PCDH15: variants seen among roughly 807,000 people sequenced by gnomAD.
PCDH15 encodes protocadherin-15.
A neutral mutation model predicts 178.5 loss-of-function variants in PCDH15; 129 were observed. The observed-to-expected ratio is 0.72, with a 90% CI of 0.63 to 0.84. The LOEUF (loss-of-function observed/expected upper bound fraction) is 0.84. PCDH15 is among the 40% of genes least tolerant of loss of function. The probability of loss-of-function intolerance (pLI) is 0.00; values close to 1 mark genes in which losing one functional copy is unlikely to be tolerated. For missense variants in PCDH15, 2,230 were observed against 2,099.9 expected (o/e 1.06, Z -1.21); for synonymous variants, 800 against 732.0 (o/e 1.09, Z -1.50).
At chr10:55,409,595 C>T (rs1336075756) in intron 2 of PCDH15, among the ~76,000 whole-genome samples, 1 of 151,756 alleles carries the variant, frequency 6.6e-6, no homozygotes, top group African/African-American at 2.4e-5. Context: ...ATCACCATAC[C>T]GTTCAGTGGT....
At chr10:54,098,809 C>A (rs2094750501) in intron 15 of PCDH15, among the ~76,000 whole-genome samples, 1 of 152,038 alleles carries the variant, frequency 6.6e-6, no homozygotes, top group African/African-American at 2.4e-5. Context: ...AGACAATTGG[C>A]TTTGGTCAGT....
intron 2 of PCDH15, among the ~76,000 whole-genome samples, chr10:55,103,356 T>A (rs1453302286): frequency 6.6e-6 from 1 of 152,198 alleles, no homozygotes; most frequent in African/African-American, 2.4e-5. Context: ...CTCATCTGCA[T>A]CAAGTGGTCT....
intron 15 of PCDH15, among the ~76,000 whole-genome samples, chr10:54,110,182 G>T (rs1343524570): frequency 6.6e-6 from 1 of 151,976 alleles, no homozygotes; most frequent in East Asian, 1.9e-4. Flanking sequence ...AAGCATGAGT[G>T]GAGTGAGGAG....
intron 2 of PCDH15, among the ~76,000 whole-genome samples, chr10:54,941,731 G>C (rs1436062238): frequency 6.6e-6 from 1 of 151,966 alleles, no homozygotes; most frequent in African/African-American, 2.4e-5. Context: ...CTGATTCCCT[G>C]CTCTATACTG....
At chr10:54,867,703 T>G (rs558428197) in intron 3 of PCDH15, among the ~76,000 whole-genome samples, 1 of 152,260 alleles carries the variant, frequency 6.6e-6, no homozygotes, top group Non-Finnish European at 1.5e-5. Flanking sequence ...ATTAATTCAC[T>G]CTTTCTACTC....
chr10:54,308,305 T>G (rs2133430013), intron 8 of PCDH15, among the ~76,000 whole-genome samples: 1 of 152,202 alleles, frequency 6.6e-6, no homozygotes, highest in African/African-American at 2.4e-5. Flanking sequence ...GCTCAAAGGT[T>G]AATTTAAAGT....
intron 26 of PCDH15, among the ~76,000 whole-genome samples, chr10:53,890,239 A>C (rs1012916408): frequency 3.3e-5 from 5 of 152,174 alleles, no homozygotes; most frequent in African/African-American, 1.2e-4. Flanking sequence ...CATCCTGGCT[A>C]ATACGGTGAA....
At chr10:55,075,339 C>G (rs1841858738) in intron 2 of PCDH15, among the ~76,000 whole-genome samples, 1 of 148,586 alleles carries the variant, frequency 6.7e-6, no homozygotes, top group Non-Finnish European at 1.5e-5. Flanking sequence ...TTTGTTAGCT[C>G]TATAACAGAT....
chr10:54,108,199 G>A (rs973179790), intron 15 of PCDH15, among the ~76,000 whole-genome samples: 1 of 152,122 alleles, frequency 6.6e-6, no homozygotes, highest in East Asian at 1.9e-4. Flanking sequence ...GTACCTGGCT[G>A]TAAATACATA....
chr10:54,222,692 A>G (rs903897800), intron 9 of PCDH15, among the ~76,000 whole-genome samples: 3 of 152,202 alleles, frequency 2.0e-5, no homozygotes, highest in African/African-American at 7.2e-5. Flanking sequence ...GTGTGTATGT[A>G]GTGATATTCA....
At chr10:55,617,725 T>G (rs1267248191) in intron 2 of PCDH15, among the ~76,000 whole-genome samples, 1 of 152,030 alleles carries the variant, frequency 6.6e-6, no homozygotes, top group Non-Finnish European at 1.5e-5. Flanking sequence ...TGTCTGAAAA[T>G]GATCTTTTAA....
intron 16 of PCDH15, among the ~76,000 whole-genome samples, chr10:54,086,467 C>G (rs2094518637): frequency 6.6e-6 from 1 of 152,096 alleles, no homozygotes; most frequent in Non-Finnish European, 1.5e-5. Flanking sequence ...ATAGCAGTAC[C>G]TGGATTGTTC....
chr10:54,720,723 A>T (rs373363001), intron 1 of PCDH15, among the ~76,000 whole-genome samples: 86 of 152,196 alleles, frequency 5.7e-4, no homozygotes, highest in African/African-American at 1.9e-3. Context: ...ATCCAACACC[A>T]GAACACTCTG....
intron 1 of PCDH15, among the ~76,000 whole-genome samples, chr10:55,304,219 C>T (rs1395956270): frequency 2.0e-5 from 3 of 152,078 alleles, no homozygotes; most frequent in Non-Finnish European, 4.4e-5. Flanking sequence ...CTGTCATGCT[C>T]AGCTGCACTT....
At chr10:55,390,499 G>A (rs973931222) in intron 2 of PCDH15, among the ~76,000 whole-genome samples, 1 of 152,226 alleles carries the variant, frequency 6.6e-6, no homozygotes, top group African/African-American at 2.4e-5. Flanking sequence ...TTTCAAAATT[G>A]GAGTCAAGTC....
chr10:55,516,578 AT>A (rs545364737), intron 2 of PCDH15, among the ~76,000 whole-genome samples: 4 of 151,300 alleles, frequency 2.6e-5, no homozygotes, highest in East Asian at 2.0e-4. Flanking sequence ...ACTTAAAAGC[AT>A]TTTTTTTTCC....
chr10:54,191,250 A>G (rs2048962865), intron 11 of PCDH15, among the ~76,000 whole-genome samples: 1 of 152,154 alleles, frequency 6.6e-6, no homozygotes, highest in Admixed American at 6.5e-5. Context: ...GAAAGACATT[A>G]TTTTCAAGTT....
intron 2 of PCDH15, among the ~76,000 whole-genome samples, chr10:55,443,113 T>G: frequency 6.6e-6 from 1 of 152,072 alleles, no homozygotes; most frequent in East Asian, 1.9e-4. Flanking sequence ...CTGGACCCCT[T>G]CCTTACACCT....
chr10:55,359,747 TACACACACAC>T (rs57691062), intron 2 of PCDH15, among the ~76,000 whole-genome samples: 7 of 81,666 alleles, frequency 8.6e-5, no homozygotes, highest in Non-Finnish European at 2.1e-4. Context: ...TATATATATA[TACACACACAC>T]ACACACACAC....
Sources: gnomAD v4.1 joint callset for allele counts (sites outside exome capture counted in the v4.1 genomes callset) on GRCh38, gnomAD v4.1.1 for gene constraint, MANE v1.5 for transcripts, NCBI Gene and HGNC (gene_info 2026-07-23, HGNC 2026-07-21) for gene names.